The following REDIC1 variants were observed in gnomAD, a reference collection of about 807,000 sequenced individuals.
The protein encoded by REDIC1 is HEI10 Interacting Protein 1.
At chr12:39,867,940 T>C in the REDIC1 span, among the ~76,000 whole-genome samples, 1 of 152,210 alleles carries the variant, frequency 6.6e-6, no homozygotes, top group African/African-American at 2.4e-5. Context: ...GGAAATGGTA[T>C]CTTAAACGAC....
the REDIC1 span, chr12:39,830,061 G>T: frequency 6.2e-7 from 1 of 1,611,482 alleles, no homozygotes; most frequent in South Asian, 1.1e-5. Flanking sequence ...GCCTCGTTTT[G>T]AAATATTATT....
chr12:39,891,980 T>C, the REDIC1 span, among the ~76,000 whole-genome samples: 104 of 152,316 alleles, frequency 6.8e-4, no homozygotes, highest in African/African-American at 2.5e-3. Context: ...GAACGATTTT[T>C]TTACTAGGTT....
the REDIC1 span, chr12:39,721,741 TC>T: frequency 6.6e-6 from 1 of 152,308 alleles, no homozygotes; most frequent in Non-Finnish European, 1.5e-5. Flanking sequence ...AATATTACAG[TC>T]CTATTTAAAA....
the REDIC1 span, among the ~76,000 whole-genome samples, chr12:39,727,985 AT>A: frequency 6.6e-6 from 1 of 152,096 alleles, no homozygotes; most frequent in Non-Finnish European, 1.5e-5. Flanking sequence ...AATGCTTGTA[AT>A]TTTTGCACAT....
At chr12:39,707,507 A>T in the REDIC1 span, among the ~76,000 whole-genome samples, 7 of 151,872 alleles carry the variant, frequency 4.6e-5, no homozygotes, top group Non-Finnish European at 8.8e-5. Flanking sequence ...CCACTGCTGG[A>T]TATATACCCA....
chr12:39,638,994 T>C, the REDIC1 span, among the ~76,000 whole-genome samples: 1 of 152,042 alleles, frequency 6.6e-6, no homozygotes, highest in Non-Finnish European at 1.5e-5. Context: ...AAACTGCTTA[T>C]ACAATAAACA....
chr12:39,881,433 T>C, the REDIC1 span, among the ~76,000 whole-genome samples: 4 of 146,418 alleles, frequency 2.7e-5, no homozygotes, highest in Admixed American at 6.7e-5. Context: ...CACGACTGTC[T>C]TTTTCAGTTT....
At chr12:39,740,098 G>A in the REDIC1 span, among the ~76,000 whole-genome samples, 1 of 152,110 alleles carries the variant, frequency 6.6e-6, no homozygotes. Context: ...AACCAACATG[G>A]GATCATTTGA....
At chr12:39,699,141 G>T in the REDIC1 span, among the ~76,000 whole-genome samples, 6 of 152,166 alleles carry the variant, frequency 3.9e-5, no homozygotes, top group Non-Finnish European at 7.3e-5. Context: ...GAGGCCCAGC[G>T]TGAGCGACAC....
At chr12:39,731,333 G>A in the REDIC1 span, among the ~76,000 whole-genome samples, 1 of 151,928 alleles carries the variant, frequency 6.6e-6, no homozygotes, top group Non-Finnish European at 1.5e-5. Context: ...TTCGGATGGG[G>A]TTTCTGTGTG....
the REDIC1 span, chr12:39,764,734 TA>T: frequency 6.2e-7 from 1 of 1,611,800 alleles, no homozygotes; most frequent in Non-Finnish European, 8.5e-7. Flanking sequence ...AGTCTTTGTT[TA>T]CCAGGTGCAA....
chr12:39,701,222 A>G, the REDIC1 span, among the ~76,000 whole-genome samples: 1 of 152,182 alleles, frequency 6.6e-6, no homozygotes, highest in African/African-American at 2.4e-5. Context: ...CATAGGCTCA[A>G]AATAAAAGGA....
chr12:39,647,702 T>C, the REDIC1 span: 2 of 983,640 alleles, frequency 2.0e-6, no homozygotes, highest in Non-Finnish European at 2.8e-6. Context: ...CCCTGCCCTT[T>C]TCACTTATTT....
At chr12:39,692,916 A>G in the REDIC1 span, among the ~76,000 whole-genome samples, 1 of 152,080 alleles carries the variant, frequency 6.6e-6, no homozygotes. Context: ...AGCAAGGGAT[A>G]ACAGTCTTGG....
At chr12:39,807,760 G>T in the REDIC1 span, among the ~76,000 whole-genome samples, 1 of 152,030 alleles carries the variant, frequency 6.6e-6, no homozygotes, top group African/African-American at 2.4e-5. Context: ...TTATAATAAT[G>T]GAGAGTTGGG....
At chr12:39,658,627 C>T in the REDIC1 span, among the ~76,000 whole-genome samples, 3 of 152,118 alleles carry the variant, frequency 2.0e-5, no homozygotes, top group African/African-American at 7.2e-5. Context: ...TTAAGTCTGT[C>T]CTCTTGCTGT....
chr12:39,715,756 G>T, the REDIC1 span, among the ~76,000 whole-genome samples: 1 of 151,820 alleles, frequency 6.6e-6, no homozygotes, highest in African/African-American at 2.4e-5. Flanking sequence ...TACTGTTAAA[G>T]GTGAGAACAT....
chr12:39,768,940 T>A, the REDIC1 span, among the ~76,000 whole-genome samples: 9 of 152,190 alleles, frequency 5.9e-5, no homozygotes, highest in African/African-American at 1.7e-4. Flanking sequence ...TAAAATGAAG[T>A]ATATACTGTC....
chr12:39,748,821 T>G, the REDIC1 span, among the ~76,000 whole-genome samples: 1 of 152,152 alleles, frequency 6.6e-6, no homozygotes, highest in East Asian at 1.9e-4. Flanking sequence ...GAATGACTAC[T>G]GGGTACATAA....
Sources: gnomAD v4.1 joint callset for allele counts (sites outside exome capture counted in the v4.1 genomes callset) on GRCh38, gnomAD v4.1.1 for gene constraint, MANE v1.5 for transcripts, NCBI Gene and HGNC (gene_info 2026-07-23, HGNC 2026-07-21) for gene names.